ENOX1: variants seen among roughly 807,000 people sequenced by gnomAD.
ENOX1 encodes the protein ecto-NOX disulfide-thiol exchanger 1, also known as candidate growth-related and time keeping constitutive hydroquinone (NADH) oxidase.
In ENOX1, 42 loss-of-function variants were observed where a neutral mutation model predicts 82.5. That is an observed-to-expected ratio of 0.51 (90% CI 0.40 to 0.66). The LOEUF (loss-of-function observed/expected upper bound fraction) is 0.66. ENOX1 is among the 30% of genes least tolerant of loss of function. The pLI, the probability that ENOX1 is intolerant of heterozygous loss-of-function variation, is 0.00. For synonymous variants in ENOX1, 271 were observed against 282.2 expected (o/e 0.96, Z 0.40); for missense variants, 608 against 811.6 (o/e 0.75, Z 3.05).
At chr13:43,611,090 C>T (rs867833625) in intron 2 of ENOX1, among the ~76,000 whole-genome samples, 9 of 152,230 alleles carry the variant, frequency 5.9e-5, no homozygotes, top group Middle Eastern at 3.4e-3. Context: ...CCTATCCCAC[C>T]TTGGGGGCCT....
intron 3 of ENOX1, among the ~76,000 whole-genome samples, chr13:43,453,366 A>C (rs1364656690): frequency 6.6e-6 from 1 of 152,236 alleles, no homozygotes; most frequent in Non-Finnish European, 1.5e-5. Flanking sequence ...GGAGGAAAGC[A>C]CATGAGCTTC....
In ENOX1 at chr13:43,630,835, C is replaced by CCACA. The variant is rs139634908; in HGVS notation, c.-219+36640_-219+36643dup. Among the ~76,000 whole-genome samples, 35 of 134,406 alleles carry CCACA rather than the reference C, an allele frequency of 2.6e-4. No homozygotes were observed. The East Asian group carries it at 5.9e-3, about 23-fold the overall frequency. 88.2% of individuals were successfully genotyped at this position (134,406 alleles called of 152,430 possible). A position where few individuals can be genotyped will look rare whatever the true frequency, so the allele number is the denominator to read the frequency against. On this transcript the variant is annotated intron_variant, in intron 2 of 16. Coordinates refer to ENST00000690772, the MANE Select transcript of ENOX1 (RefSeq NM_001347969.2). Reference sequence around the variant, plus strand: ...CCTAGGCATTTATATATACATACAACCACACACACACATATATATATATAT... The same window carrying CCACA: ...CCTAGGCATTTATATATACATACAACCACACACACACACACATATATATATATAT...
At chr13:43,680,113 C>T (rs1302583120) in intron 1 of ENOX1, among the ~76,000 whole-genome samples, 2 of 152,138 alleles carry the variant, frequency 1.3e-5, no homozygotes, top group East Asian at 3.8e-4. Context: ...CCTCAAACAC[C>T]ACTTGGTTCA....
chr13:43,233,730 CTA>C (rs2042392518), intron 15 of ENOX1, among the ~76,000 whole-genome samples: 1 of 151,364 alleles, frequency 6.6e-6, no homozygotes, highest in Non-Finnish European at 1.5e-5. Context: ...GATCATCTGA[CTA>C]TATTGGCATA....
intron 12 of ENOX1, among the ~76,000 whole-genome samples, chr13:43,288,461 T>C (rs961718916): frequency 6.6e-6 from 1 of 152,224 alleles, no homozygotes; most frequent in African/African-American, 2.4e-5. Context: ...GGTTTTTATA[T>C]GTGTATGTCT....
chr13:43,272,244 A>G (rs2044729002), intron 12 of ENOX1, among the ~76,000 whole-genome samples: 1 of 152,176 alleles, frequency 6.6e-6, no homozygotes. Context: ...CCACTCTCAC[A>G]GTGAAGGCCA....
intron 3 of ENOX1, among the ~76,000 whole-genome samples, chr13:43,456,764 T>G (rs1269843316): frequency 6.6e-6 from 1 of 152,190 alleles, no homozygotes; most frequent in African/African-American, 2.4e-5. Flanking sequence ...GTAGAGTCAG[T>G]GTGAGCTAGG....
chr13:43,511,267 T>C (rs1287207174), intron 2 of ENOX1, among the ~76,000 whole-genome samples: 1 of 152,182 alleles, frequency 6.6e-6, no homozygotes, highest in Non-Finnish European at 1.5e-5. Context: ...TACTTGGACA[T>C]GACAAGCTTC....
At chr13:43,396,593 C>A (rs930427075) in intron 5 of ENOX1, among the ~76,000 whole-genome samples, 6 of 152,062 alleles carry the variant, frequency 3.9e-5, no homozygotes, top group African/African-American at 9.7e-5. Flanking sequence ...GTTGGCCAGG[C>A]TGGTCTCGAA....
intron 11 of ENOX1, among the ~76,000 whole-genome samples, chr13:43,299,450 A>AC (rs1181478198): frequency 2.6e-5 from 4 of 151,890 alleles, no homozygotes; most frequent in African/African-American, 7.3e-5. Flanking sequence ...CTCACTTCAT[A>AC]CCCCCACCAA....
intron 12 of ENOX1, among the ~76,000 whole-genome samples, chr13:43,290,981 C>G (rs1296204361): frequency 6.6e-6 from 1 of 152,094 alleles, no homozygotes. Flanking sequence ...GAGCTGAGAT[C>G]ACACCACTGT....
chr13:43,364,322 C>G (rs763553284), intron 5 of ENOX1, among the ~76,000 whole-genome samples: 1 of 152,100 alleles, frequency 6.6e-6, no homozygotes, highest in African/African-American at 2.4e-5. Context: ...TTCTACTCAG[C>G]GCAAAGAGGA....
chr13:43,753,916 A>C (rs980864306), intron 1 of ENOX1, among the ~76,000 whole-genome samples: 4 of 91,588 alleles, frequency 4.4e-5, no homozygotes, highest in Non-Finnish European at 1.0e-4. Flanking sequence ...AATTACGACC[A>C]GATTTCCTTA....
chr13:43,248,418 G>A (rs962463054), intron 14 of ENOX1, among the ~76,000 whole-genome samples: 1 of 151,418 alleles, frequency 6.6e-6, no homozygotes, highest in African/African-American at 2.4e-5. Context: ...CAGCCTTTTG[G>A]TCCCTAAATA....
At chr13:43,300,063 G>A (rs1265591510) in intron 11 of ENOX1, among the ~76,000 whole-genome samples, 1 of 152,162 alleles carries the variant, frequency 6.6e-6, no homozygotes, top group Non-Finnish European at 1.5e-5. Flanking sequence ...CTTGCAAAAT[G>A]ATAATCTCTG....
intron 2 of ENOX1, among the ~76,000 whole-genome samples, chr13:43,667,199 T>G (rs79255569): frequency 0.13 from 20,074 of 152,140 alleles, 1,785 homozygotes; most frequent in East Asian, 0.32. Flanking sequence ...TGAACAATGG[T>G]AGTACCTTTA....
chr13:43,763,415 C>A (rs1388661744), intron 1 of ENOX1, among the ~76,000 whole-genome samples: 1 of 152,274 alleles, frequency 6.6e-6, no homozygotes, highest in South Asian at 2.1e-4. Flanking sequence ...AGACCCCTGC[C>A]TTCATGATCT....
At chr13:43,663,541 T>A (rs2084833045) in intron 2 of ENOX1, among the ~76,000 whole-genome samples, 1 of 152,190 alleles carries the variant, frequency 6.6e-6, no homozygotes, top group Non-Finnish European at 1.5e-5. Context: ...CTGTTTCCTA[T>A]ATAAAAGGTA....
chr13:43,593,596 C>T (rs574099725), intron 2 of ENOX1, among the ~76,000 whole-genome samples: 178 of 151,550 alleles, frequency 1.2e-3, no homozygotes, highest in African/African-American at 3.4e-3. Context: ...CCAACAAGGG[C>T]GCCCTCACCC....
Sources: allele counts gnomAD v4.1 joint callset (sites outside exome capture counted in the v4.1 genomes callset), GRCh38; gene constraint gnomAD v4.1.1; transcripts MANE v1.5; gene names NCBI Gene and HGNC (gene_info 2026-07-23, HGNC 2026-07-21).